PRKCE: variants seen among roughly 807,000 people sequenced by gnomAD.
PRKCE encodes protein kinase C epsilon, also known as protein kinase C epsilon type.
Under a neutral mutation model 85.4 loss-of-function variants are expected in PRKCE, and 16 were observed. The ratio of observed to expected loss-of-function variants is 0.19; its 90% confidence interval spans 0.13 to 0.28. The LOEUF is 0.28. Among genes scored for constraint, PRKCE ranks in the 10% least tolerant of loss-of-function variants. The probability of loss-of-function intolerance (pLI) is 1.00; values close to 1 mark genes in which losing one functional copy is unlikely to be tolerated. For synonymous variants in PRKCE, 388 were observed against 371.5 expected (o/e 1.04, Z -0.51); for missense variants, 573 against 975.2 (o/e 0.59, Z 5.49).
intron 2 of PRKCE, among the ~76,000 whole-genome samples, chr2:45,940,632 C>A (rs111607736): frequency 0.03 from 4,631 of 152,126 alleles, 90 homozygotes; most frequent in Middle Eastern, 0.088. Flanking sequence ...TCTGTTCACA[C>A]AGCGCACACT....
intron 2 of PRKCE, among the ~76,000 whole-genome samples, chr2:45,899,398 GTAGA>G (rs1424777688): frequency 1.1e-5 from 1 of 86,982 alleles, no homozygotes; most frequent in Non-Finnish European, 2.3e-5. Flanking sequence ...TTTTTTTTTT[GTAGA>G]TAGAGTCTCA....
intron 11 of PRKCE, among the ~76,000 whole-genome samples, chr2:46,102,839 A>G (rs756942216): frequency 1.7e-4 from 26 of 152,232 alleles, no homozygotes; most frequent in Non-Finnish European, 2.8e-4. Context: ...GGTCCATACT[A>G]TCAACATGAC....
chr2:45,937,433 C>T (rs779028031), intron 2 of PRKCE, among the ~76,000 whole-genome samples: 15 of 152,208 alleles, frequency 9.9e-5, no homozygotes, highest in Non-Finnish European at 1.9e-4. Flanking sequence ...ATAGGTATGG[C>T]CACACGTGGT....
At chr2:46,030,527 C>T (rs141174621) in intron 10 of PRKCE, among the ~76,000 whole-genome samples, 2 of 152,130 alleles carry the variant, frequency 1.3e-5, no homozygotes, top group Non-Finnish European at 2.9e-5. Context: ...CCATGCCCCC[C>T]TCCCTGGGGA....
chr2:45,956,263 A>C (rs1700969550), intron 2 of PRKCE, among the ~76,000 whole-genome samples: 2 of 152,234 alleles, frequency 1.3e-5, no homozygotes, highest in South Asian at 4.1e-4. Context: ...GGTGCTTATA[A>C]ATAAAGCTGC....
At chr2:45,813,112 G>T (rs1220162885) in intron 1 of PRKCE, among the ~76,000 whole-genome samples, 1 of 152,138 alleles carries the variant, frequency 6.6e-6, no homozygotes, top group African/African-American at 2.4e-5. Context: ...TTGGCATCCA[G>T]TTCCAGGAGG....
intron 1 of PRKCE, among the ~76,000 whole-genome samples, chr2:45,763,181 C>G (rs1343176863): frequency 6.6e-6 from 1 of 152,080 alleles, no homozygotes; most frequent in Non-Finnish European, 1.5e-5. Flanking sequence ...GTCTTGGTCT[C>G]CTGACCTCGT....
chr2:45,978,608 G>A (rs1702641651), intron 3 of PRKCE: 1 of 197,660 alleles, frequency 5.1e-6, no homozygotes, highest in Non-Finnish European at 1.0e-5. Flanking sequence ...GGTGCTGGGA[G>A]AAGAGGAATG....
intron 1 of PRKCE, among the ~76,000 whole-genome samples, chr2:45,801,662 TAG>T (rs2105189527): frequency 6.6e-6 from 1 of 152,156 alleles, no homozygotes; most frequent in South Asian, 2.1e-4. Flanking sequence ...GAGAGCCAGC[TAG>T]AGAGGAGGCT....
At chr2:45,713,812 G>A (rs1679863149) in intron 1 of PRKCE, among the ~76,000 whole-genome samples, 1 of 152,152 alleles carries the variant, frequency 6.6e-6, no homozygotes, top group Admixed American at 6.5e-5. Context: ...TCCATTTATG[G>A]GCACCTGTTT....
chr2:46,031,510 A>G (rs369301715), intron 10 of PRKCE, among the ~76,000 whole-genome samples: 4 of 152,176 alleles, frequency 2.6e-5, no homozygotes, highest in South Asian at 4.2e-4. Context: ...TTAGATTTCT[A>G]TGCACAAAAG....
At chr2:46,142,981 T>C (rs1675704313) in intron 11 of PRKCE, among the ~76,000 whole-genome samples, 2 of 152,128 alleles carry the variant, frequency 1.3e-5, no homozygotes, top group Non-Finnish European at 2.9e-5. Context: ...GTGGCTGGCA[T>C]TGGAGGAAGT....
At chr2:46,052,314 A>T (rs1416352561) in intron 10 of PRKCE, among the ~76,000 whole-genome samples, 1 of 152,250 alleles carries the variant, frequency 6.6e-6, no homozygotes, top group East Asian at 1.9e-4. Flanking sequence ...AGGAGACAAG[A>T]TCAATATACA....
chr2:45,706,697 C>T (rs1187492136), intron 1 of PRKCE, among the ~76,000 whole-genome samples: 5 of 152,170 alleles, frequency 3.3e-5, no homozygotes, highest in Non-Finnish European at 5.9e-5. Context: ...GTTTGGCCCC[C>T]CACAATGAAT....
intron 10 of PRKCE, among the ~76,000 whole-genome samples, chr2:46,064,350 C>T (rs1230315590): frequency 2.0e-5 from 3 of 151,304 alleles, no homozygotes; most frequent in Non-Finnish European, 2.9e-5. Flanking sequence ...CGTTCTCCTT[C>T]GACACTCAAA....
At chr2:45,953,953 A>G (rs1574008591) in intron 2 of PRKCE, among the ~76,000 whole-genome samples, 2 of 152,348 alleles carry the variant, frequency 1.3e-5, no homozygotes, top group African/African-American at 2.4e-5. Context: ...GAATGGATTC[A>G]CAAAAGCTGT....
intron 2 of PRKCE, among the ~76,000 whole-genome samples, chr2:45,952,157 A>G (rs1288198827): frequency 6.6e-6 from 1 of 151,908 alleles, no homozygotes; most frequent in Non-Finnish European, 1.5e-5. Context: ...AAAGAGCCTG[A>G]CTCCTAGAAT....
At chr2:45,964,861 T>G (rs960697693) in intron 2 of PRKCE, among the ~76,000 whole-genome samples, 1 of 152,206 alleles carries the variant, frequency 6.6e-6, no homozygotes, top group Non-Finnish European at 1.5e-5. Flanking sequence ...AGTCTGAGAT[T>G]TTCACTTTTT....
At chr2:46,070,294 C>T (rs116764039) in intron 10 of PRKCE, among the ~76,000 whole-genome samples, 1,698 of 152,162 alleles carry the variant, frequency 0.011, 27 homozygotes, top group African/African-American at 0.039. Context: ...TGTGGACCCT[C>T]AATACACATT....
Sources: gnomAD v4.1 joint callset for allele counts (sites outside exome capture counted in the v4.1 genomes callset) on GRCh38, gnomAD v4.1.1 for gene constraint, MANE v1.5 for transcripts, NCBI Gene and HGNC (gene_info 2026-07-23, HGNC 2026-07-21) for gene names.